CNTNAP4: variants seen among roughly 807,000 people sequenced by gnomAD.
CNTNAP4 encodes contactin associated protein family member 4.
A neutral mutation model predicts 148.4 loss-of-function variants in CNTNAP4; 98 were observed. That is an observed-to-expected ratio of 0.66 (90% CI 0.56 to 0.78). The LOEUF is 0.78. CNTNAP4 is among the 30% of genes least tolerant of loss of function. CNTNAP4 has a pLI of 0.00. For missense variants in CNTNAP4, 1,935 were observed against 1,565.6 expected, an observed-to-expected ratio of 1.24 and a Z score of -3.98; for synonymous variants, 730 against 565.1, an observed-to-expected ratio of 1.29 and a Z score of -4.14.
Position 76,542,782 on chromosome 16 carries a change from G to A in CNTNAP4, c.3442+1992G>A, listed in dbSNP as rs142288376. Reference sequence around the variant, plus strand: ...GCAACTGTGATTTGGAAGAGTCCTCGTCCCCCAAACTCTACACTAGTACAG... The same window carrying A: ...GCAACTGTGATTTGGAAGAGTCCTCATCCCCCAAACTCTACACTAGTACAG... On this transcript the variant is annotated intron_variant, in intron 21 of 23. Coordinates refer to ENST00000611870, the MANE Select transcript of CNTNAP4 (RefSeq NM_033401.5). Among the ~76,000 whole-genome samples the A allele has an allele frequency of 5.0e-3, 754 of 152,216 alleles. 6 individuals are homozygous for A. Among genetic ancestry groups the A allele is most frequent in the African/African-American group, 0.017 (709 of 41,528 alleles).
chr16:76,347,087 T>C (rs569692103), intron 2 of CNTNAP4, among the ~76,000 whole-genome samples: 35 of 152,146 alleles, frequency 2.3e-4, no homozygotes, highest in African/African-American at 8.4e-4. Context: ...ACATACATCT[T>C]TGAAATGTAG....
intron 15 of CNTNAP4, 140 bp downstream of exon 15, chr16:76,498,834 A>T: frequency 7.6e-6 from 6 of 793,000 alleles, no homozygotes; most frequent in Non-Finnish European, 9.3e-6. Context: ...GTTTCCACAT[A>T]CATGAGGTGC....
At chr16:76,486,123 G>C (rs1444312788) in intron 12 of CNTNAP4, among the ~76,000 whole-genome samples, 2 of 152,072 alleles carry the variant, frequency 1.3e-5, no homozygotes, top group Non-Finnish European at 2.9e-5. Context: ...ATCTCTTCAG[G>C]GGGAGACGTG....
At position 76,348,401 on chromosome 16, in the gene CNTNAP4, A is replaced by G. The variant is rs528135410; in HGVS notation, c.197-6917A>G. Among the ~76,000 whole-genome samples, 5 of 152,232 alleles carry G rather than the reference A, an allele frequency of 3.3e-5. No homozygotes were observed. In the South Asian group the frequency reaches 8.3e-4, roughly 25 times the overall value. On this transcript the variant is annotated intron_variant, in intron 2 of 23. Transcript: ENST00000611870. ...TAAGGGAATTTTTGACACGTGGGTA[A>G]TGCTTAAATTCATCAGGCTAAGAGA...
intron 11 of CNTNAP4, among the ~76,000 whole-genome samples, chr16:76,478,003 A>G (rs1036683324): frequency 1.3e-5 from 2 of 152,210 alleles, no homozygotes; most frequent in South Asian, 2.1e-4. Context: ...TTTGCCCATA[A>G]CTATTCCGAG....
chr16:76,445,477 C>T (rs1360089957), intron 4 of CNTNAP4, among the ~76,000 whole-genome samples: 2 of 152,070 alleles, frequency 1.3e-5, no homozygotes, highest in South Asian at 2.1e-4. Context: ...CATAGAATTG[C>T]ATTGTCGTGT....
rs1391685056 is a variant in CNTNAP4, at chr16:76,553,152, A to G, written c.3443-131A>G. The G allele has an allele frequency of 8.5e-6, 5 of 587,174 alleles. No individual in the cohort carries two copies. The South Asian group carries it at 1.0e-4, about 12-fold the overall frequency. The allele number at this position is 587,174 out of a possible 1,614,324, so 36.4% of individuals were successfully genotyped here. Reference sequence around the variant, plus strand: ...AAGAATAATGGATTTTTATCTTTTTAGTAAAGATAAAATTAAAAAGGAATT... The same window carrying G: ...AAGAATAATGGATTTTTATCTTTTTGGTAAAGATAAAATTAAAAAGGAATT... On this transcript the variant is annotated intron_variant, in intron 21 of 23. Coordinates refer to ENST00000611870, the MANE Select transcript of CNTNAP4 (RefSeq NM_033401.5).
intron 1 of CNTNAP4, among the ~76,000 whole-genome samples, chr16:76,293,417 T>C (rs1959172453): frequency 1.3e-5 from 2 of 152,286 alleles, no homozygotes; most frequent in East Asian, 1.9e-4. Context: ...CAAAGCAATG[T>C]GATCGTAATT....
intron 15 of CNTNAP4, among the ~76,000 whole-genome samples, chr16:76,519,571 TC>T (rs1248834302): frequency 6.6e-5 from 10 of 152,230 alleles, no homozygotes; most frequent in African/African-American, 2.4e-4. Flanking sequence ...GGCATCTAAT[TC>T]CTTCTGAAAA....
chr16:76,537,611 T>A (rs1241783540), intron 18 of CNTNAP4, among the ~76,000 whole-genome samples: 1 of 152,156 alleles, frequency 6.6e-6, no homozygotes, highest in Non-Finnish European at 1.5e-5. Context: ...AGCTTTCTTT[T>A]TATAGTACAC....
chr16:76,411,981 T>C (rs972092192), intron 3 of CNTNAP4, among the ~76,000 whole-genome samples: 1 of 151,440 alleles, frequency 6.6e-6, no homozygotes, highest in Non-Finnish European at 1.5e-5. Context: ...CACCAAATAA[T>C]CATGACCATG....
In CNTNAP4 at chr16:76,316,457, T is replaced by C; in HGVS notation, c.130T>C (p.Phe44Leu). ...TGTGTCTGCCTTGCCTCAGGCATCC[T>C]TCAGCAGTTCTTCCGAGCTCTCCAG... Reference protein sequence around the residue: ...PLVSALPQASFSSSSELSSSH... With the variant: ...PLVSALPQASLSSSSELSSSH... The change falls in exon 2 of 24, where the codon TTC becomes CTC. Residue 44 changes from phenylalanine to leucine, a missense_variant. Phe to Leu is a conservative substitution (Grantham distance 22). Transcript: ENST00000611870. The C allele has an allele frequency of 6.2e-7, 1 of 1,613,948 alleles. No individual in the cohort carries two copies. The highest frequency in any genetic ancestry group is 8.5e-7 in the Non-Finnish European group (1 of 1,179,832).
At chr16:76,470,672 A>C (rs1021401133) in intron 10 of CNTNAP4, among the ~76,000 whole-genome samples, 1 of 151,478 alleles carries the variant, frequency 6.6e-6, no homozygotes, top group Non-Finnish European at 1.5e-5. Context: ...ACAAACAAAC[A>C]AAAAACCAGG....
intron 9 of CNTNAP4, among the ~76,000 whole-genome samples, chr16:76,466,068 C>A (rs4389168): frequency 0.35 from 53,084 of 152,028 alleles, 10,434 homozygotes; most frequent in Middle Eastern, 0.47. Context: ...TGGTTGATGA[C>A]TATCATGGCA....
intron 12 of CNTNAP4, among the ~76,000 whole-genome samples, chr16:76,489,239 A>G (rs140790637): frequency 6.6e-6 from 1 of 152,264 alleles, no homozygotes; most frequent in East Asian, 1.9e-4. Flanking sequence ...TTTTTTAAAT[A>G]TTGTGATATC....
chr16:76,532,776 C>G (rs974376239), intron 17 of CNTNAP4, among the ~76,000 whole-genome samples: 6 of 152,140 alleles, frequency 3.9e-5, no homozygotes, highest in African/African-American at 1.2e-4. Flanking sequence ...CCAAAAGAAT[C>G]CTGGCCAAAG....
At chr16:76,443,063 C>A (rs2080105598) in intron 4 of CNTNAP4, among the ~76,000 whole-genome samples, 1 of 151,948 alleles carries the variant, frequency 6.6e-6, no homozygotes, top group Admixed American at 6.6e-5. Flanking sequence ...CCATAGTGAG[C>A]CAGTGTATGA....
At chr16:76,337,612 A>G (rs1484033745) in intron 2 of CNTNAP4, among the ~76,000 whole-genome samples, 1 of 152,188 alleles carries the variant, frequency 6.6e-6, no homozygotes, top group Non-Finnish European at 1.5e-5. Flanking sequence ...AAACATCTTA[A>G]CAGGAAACAG....
intron 1 of CNTNAP4, among the ~76,000 whole-genome samples, chr16:76,299,291 C>A (rs34684676): frequency 0.27 from 41,206 of 151,728 alleles, 6,743 homozygotes; most frequent in Non-Finnish European, 0.38. Context: ...TGAGCTCAAA[C>A]AAATTTACAA....
Sources: allele counts gnomAD v4.1 joint callset (sites outside exome capture counted in the v4.1 genomes callset), GRCh38; gene constraint gnomAD v4.1.1; transcripts MANE v1.5; gene names NCBI Gene and HGNC (gene_info 2026-07-23, HGNC 2026-07-21).